Variants in TTC1 observed in about 807,000 individuals in gnomAD.
TTC1 encodes the protein tetratricopeptide repeat protein 1.
In TTC1, 31 loss-of-function variants were observed where a neutral mutation model predicts 37.6. The ratio of observed to expected loss-of-function variants is 0.82; its 90% CI spans 0.62 to 1.11. The LOEUF is 1.11. Ranked by LOEUF, TTC1 falls within the 50% of genes most tolerant of loss-of-function variation. The pLI is 0.00. For missense variants in TTC1, 351 were observed against 339.0 expected, an observed-to-expected ratio of 1.04 and a Z score of -0.28; for synonymous variants, 127 against 122.4, an observed-to-expected ratio of 1.04 and a Z score of -0.25.
chr5:160,037,390 A>G (rs960119581), intron 4 of TTC1, among the ~76,000 whole-genome samples: 6 of 152,168 alleles, frequency 3.9e-5, no homozygotes, highest in Admixed American at 1.3e-4. Flanking sequence ...TGAGAGTACA[A>G]ATATATTTGT....
intron 5 of TTC1, among the ~76,000 whole-genome samples, chr5:160,048,237 C>T (rs533176406): frequency 3.6e-5 from 5 of 139,842 alleles, no homozygotes; most frequent in African/African-American, 7.9e-5. Flanking sequence ...ACGCAACCTC[C>T]GCCTCCTGGG....
chr5:160,038,098 T>A (rs1158362633), intron 4 of TTC1, among the ~76,000 whole-genome samples: 1 of 152,074 alleles, frequency 6.6e-6, no homozygotes, highest in Non-Finnish European at 1.5e-5. Context: ...TTTTTTTTTT[T>A]ACCAGAACTT....
At chr5:160,012,283 T>A (rs1756517090) in intron 2 of TTC1, among the ~76,000 whole-genome samples, 1 of 152,192 alleles carries the variant, frequency 6.6e-6, no homozygotes, top group Non-Finnish European at 1.5e-5. Flanking sequence ...TCACAAAGTC[T>A]GATCCCTACC....
intron 7 of TTC1, among the ~76,000 whole-genome samples, chr5:160,055,770 A>C (rs975949558): frequency 2.0e-5 from 3 of 152,276 alleles, no homozygotes; most frequent in Non-Finnish European, 4.4e-5. Context: ...AGGGGCGTTC[A>C]GCTCTGCTCT....
chr5:160,014,852 G>A (rs1227609397), intron 2 of TTC1, among the ~76,000 whole-genome samples: 5 of 152,168 alleles, frequency 3.3e-5, no homozygotes, highest in Admixed American at 6.5e-5. Context: ...TAGATGTGTT[G>A]CAGCATCATT....
At position 160,036,668 on chromosome 5, in the gene TTC1, T is replaced by C. The variant is rs751858394; in HGVS notation, c.392-23T>C. On this transcript the variant is annotated intron_variant, in intron 3 of 7. Transcript: ENST00000231238. ...ATCAGGAATAAAATCAAAATGACCA[T>C]TCATCCTTTCTCTTATCCTCAGATT... 1.9e-5 allele frequency: 28 copies of C among 1,499,822 alleles called. No homozygotes were observed. The East Asian group carries it at 6.1e-4, about 33-fold the overall frequency. 92.9% of individuals were successfully genotyped at this position (1,499,822 alleles called of 1,614,324 possible).
chr5:160,014,953 C>T (rs1256998286), intron 2 of TTC1, among the ~76,000 whole-genome samples: 1 of 152,114 alleles, frequency 6.6e-6, no homozygotes, highest in Non-Finnish European at 1.5e-5. Flanking sequence ...GTTACAGAGC[C>T]ACTAGAACCC....
At chr5:160,029,419 A>T (rs1756866093) in intron 2 of TTC1, among the ~76,000 whole-genome samples, 1 of 149,580 alleles carries the variant, frequency 6.7e-6, no homozygotes, top group African/African-American at 2.5e-5. Flanking sequence ...TGGTGGGAGG[A>T]TCACTTGAGC....
At position 160,010,797 on chromosome 5, in the gene TTC1, C is replaced by G. The variant is rs754449659; in HGVS notation, c.269C>G (p.Ser90Cys). The G allele has an allele frequency of 2.5e-6, 4 of 1,614,062 alleles. No individual in the cohort carries two copies. Among genetic ancestry groups the G allele is most frequent in the Non-Finnish European group, 3.4e-6 (4 of 1,180,048 alleles). ...AAATCTAATGAAGATGTGAATTCCT[C>G]TGAACTAGATGAAGAATACCTAATA... is the stretch of plus-strand genomic sequence containing the variant. ...ENKSNEDVNS[S>C]ELDEEYLIEL... is the part of the protein sequence containing the mutation. Residue 90 changes from serine to cysteine, a missense_variant, in exon 2 of 8, where the codon TCT becomes TGT. Transcript: ENST00000231238.
At position 160,049,638 on chromosome 5, in the gene TTC1, A is replaced by G. The variant is rs1274125381; in HGVS notation, c.666A>G (p.Ile222Met). 1.3e-6 allele frequency: 2 copies of G among 1,587,698 alleles called. No homozygotes were observed. The highest frequency in any genetic ancestry group is 1.9e-5 in the Admixed American group (1 of 52,348). The change falls in exon 6 of 8, where the codon ATA becomes ATG. Residue 222 changes from isoleucine to methionine, a missense_variant. Ile to Met is a conservative substitution (Grantham distance 10). Coordinates refer to ENST00000231238, the MANE Select transcript of TTC1 (RefSeq NM_003314.3). ...CTATATTAGAAAAAGATCCATCAAT[A>G]CATCAAGCAAGAGAAGCTTGTATGG... Reference protein sequence around the residue: ...YKSILEKDPSIHQAREACMRL... With the variant: ...YKSILEKDPSMHQAREACMRL...
chr5:160,025,032 TTTTG>T (rs1254966737), intron 2 of TTC1, among the ~76,000 whole-genome samples: 2 of 152,116 alleles, frequency 1.3e-5, no homozygotes, highest in Non-Finnish European at 2.9e-5. Flanking sequence ...TATTTTTTTG[TTTTG>T]TTTGTTTTTG....
intron 2 of TTC1, among the ~76,000 whole-genome samples, chr5:160,021,179 A>AC: frequency 6.6e-6 from 1 of 152,344 alleles, no homozygotes; most frequent in South Asian, 2.1e-4. Flanking sequence ...GTCTGACACC[A>AC]CACACCTGTG....
chr5:160,048,369 G>A (rs1757312572), intron 5 of TTC1, among the ~76,000 whole-genome samples: 3 of 151,838 alleles, frequency 2.0e-5, no homozygotes, highest in South Asian at 4.2e-4. Flanking sequence ...CTAGGCTGAC[G>A]GTCTCAAAGT....
intron 2 of TTC1, among the ~76,000 whole-genome samples, chr5:160,029,481 CAAAAAAA>C (rs61227502): frequency 6.3e-5 from 5 of 79,866 alleles, no homozygotes; most frequent in Admixed American, 2.7e-4. Flanking sequence ...CCCATCTCTA[CAAAAAAA>C]AAAAAAAAAA....
At chr5:160,021,330 C>G (rs1308618196) in intron 2 of TTC1, among the ~76,000 whole-genome samples, 2 of 152,200 alleles carry the variant, frequency 1.3e-5, no homozygotes, top group Non-Finnish European at 2.9e-5. Context: ...TGACCTAACC[C>G]GTACATTGAC....
At chr5:160,035,765 T>C (rs1756989219) in intron 3 of TTC1, among the ~76,000 whole-genome samples, 1 of 152,184 alleles carries the variant, frequency 6.6e-6, no homozygotes, top group Admixed American at 6.5e-5. Context: ...AATAAGTTGG[T>C]GGGGTTCATT....
At chr5:160,052,548 C>CAAA (rs557157232) in intron 7 of TTC1, among the ~76,000 whole-genome samples, 34,562 of 67,878 alleles carry the variant, frequency 0.51, 10,795 homozygotes, top group Non-Finnish European at 0.59. Flanking sequence ...TCTATTTTAG[C>CAAA]AAAAAAAAAA....
intron 4 of TTC1, among the ~76,000 whole-genome samples, chr5:160,042,638 A>T (rs1156449909): frequency 6.6e-6 from 1 of 152,208 alleles, no homozygotes; most frequent in African/African-American, 2.4e-5. Context: ...TTTTTGTTTG[A>T]TCAGTGGATA....
intron 7 of TTC1, among the ~76,000 whole-genome samples, chr5:160,064,273 TACCTC>T (rs891765453): frequency 6.6e-6 from 1 of 152,136 alleles, no homozygotes; most frequent in Non-Finnish European, 1.5e-5. Flanking sequence ...CCATCCTATA[TACCTC>T]ACCCAAGTCG....
Sources: gnomAD v4.1 joint callset for allele counts (sites outside exome capture counted in the v4.1 genomes callset) on GRCh38, gnomAD v4.1.1 for gene constraint, MANE v1.5 for transcripts, NCBI Gene and HGNC (gene_info 2026-07-23, HGNC 2026-07-21) for gene names.